USP43: variants seen among roughly 807,000 people sequenced by gnomAD.
The protein encoded by USP43 is ubiquitin carboxyl-terminal hydrolase 43.
In USP43, 33 loss-of-function variants were observed where a neutral mutation model predicts 90.7. The observed-to-expected ratio is 0.36, with a 90% confidence interval of 0.28 to 0.49. USP43 has a LOEUF of 0.49. Ranked by LOEUF, USP43 falls within the 20% of genes least tolerant of loss-of-function variation. The pLI is 0.98. For missense variants in USP43, 1,274 were observed against 1,476.4 expected (o/e 0.86, Z 2.25); for synonymous variants, 598 against 615.8 (o/e 0.97, Z 0.43).
intron 1 of USP43, among the ~76,000 whole-genome samples, chr17:9,648,956 T>TCTCC (rs1241943894): frequency 7.4e-5 from 11 of 148,724 alleles, no homozygotes; most frequent in Non-Finnish European, 1.1e-4. Context: ...TCTCTCTCTC[T>TCTCC]CTCCCTCCCT....
rs571319363 is a variant in USP43, at chr17:9,656,405, T to C, written c.507T>C (p.Asn169=). ...YTPQLSAEFK[N]AVSKYGSQFQ... is the part of the protein sequence containing the mutation. Reference sequence around the variant, plus strand: ...TCGATTTCCTTTTTTCCTTTCAGAATGCAGTTTCCAAGTACGGCTCTCAGT... The same window carrying C: ...TCGATTTCCTTTTTTCCTTTCAGAACGCAGTTTCCAAGTACGGCTCTCAGT... The change falls in exon 2 of 15, where the codon AAT becomes AAC. Residue 169 remains asparagine (N), a splice_region_variant and synonymous_variant. Coordinates refer to ENST00000285199, the MANE Select transcript of USP43 (RefSeq NM_153210.5). The C allele has an allele frequency of 1.1e-5, 17 of 1,610,814 alleles. 1 individual carries two copies. In the South Asian group the frequency reaches 1.7e-4, roughly 16 times the overall value.
intron 1 of USP43, among the ~76,000 whole-genome samples, chr17:9,653,077 T>C (rs1162046145): frequency 1.3e-5 from 2 of 152,230 alleles, no homozygotes; most frequent in African/African-American, 4.8e-5. Context: ...TCTGGTTGTA[T>C]CTCTCATTTC....
In USP43 at chr17:9,714,682, C is replaced by CAAAAA. The variant is rs34258688; in HGVS notation, c.2335+2565_2335+2569dup. 2.5e-3 allele frequency among the ~76,000 whole-genome samples: 174 copies of CAAAAA among 69,986 alleles called. 3 individuals are homozygous for CAAAAA. Among genetic ancestry groups the CAAAAA allele is most frequent in the African/African-American group, 9.0e-3 (164 of 18,122 alleles). 45.9% of individuals were successfully genotyped at this position (69,986 alleles called of 152,430 possible). A position where few individuals can be genotyped will look rare whatever the true frequency, so the allele number is the denominator to read the frequency against. The stretch of plus-strand genomic sequence containing the variant: ...TGGGCAACAGAGCAAGACTCCATCT[C>CAAAAA]AAAAAAAAAAAAAAAAAAATGAAGA... On this transcript the variant is annotated intron_variant, in intron 14 of 14. Coordinates refer to ENST00000285199, the MANE Select transcript of USP43 (RefSeq NM_153210.5).
chr17:9,679,300 C>A (rs746702332), intron 5 of USP43, among the ~76,000 whole-genome samples: 5 of 151,810 alleles, frequency 3.3e-5, no homozygotes, highest in Non-Finnish European at 7.4e-5. Context: ...CTCCTGGGCT[C>A]AAGGGATCCT....
In USP43 at chr17:9,671,288, G is replaced by C. The variant is rs576654601; in HGVS notation, c.741-3603G>C. Reference sequence around the variant, plus strand: ...TTTGGCTGGAGGAGGGAGTGTGTGTGTGTGTGTGTGTGCACAAATTCTTCA... The same window carrying C: ...TTTGGCTGGAGGAGGGAGTGTGTGTCTGTGTGTGTGTGCACAAATTCTTCA... On this transcript the variant is annotated intron_variant, in intron 3 of 14. Coordinates refer to ENST00000285199, the MANE Select transcript of USP43 (RefSeq NM_153210.5). Among the ~76,000 whole-genome samples the C allele has an allele frequency of 2.2e-3, 334 of 152,170 alleles. 1 individual carries two copies. The highest frequency in any genetic ancestry group is 7.8e-3 in the African/African-American group (325 of 41,440).
chr17:9,647,867 A>T (rs965835039), intron 1 of USP43, among the ~76,000 whole-genome samples: 1 of 151,258 alleles, frequency 6.6e-6, no homozygotes, highest in African/African-American at 2.4e-5. Flanking sequence ...AAAAAAAAAA[A>T]AAAATTAGCC....
At position 9,701,251 on chromosome 17, in the gene USP43, G is replaced by C; in HGVS notation, c.1662+6G>C. The C allele has an allele frequency of 6.2e-7, 1 of 1,606,398 alleles. No individual in the cohort carries two copies. Among genetic ancestry groups the C allele is most frequent in the Non-Finnish European group, 8.5e-7 (1 of 1,176,064 alleles). On this transcript the variant is annotated splice_donor_region_variant and intron_variant, in intron 11 of 14. Transcript: ENST00000285199. The surrounding 1 kb of genome is among the most constrained non-coding windows in gnomAD (Gnocchi z 7.2). ...TCTACACCAAGGAGGAGCAGGTCCC[G>C]CCCTGGGGGTCCATGCCCCGGCCGG...
intron 8 of USP43, 149 bp from the exon 9 acceptor site, chr17:9,692,978 T>C (rs1459974960): frequency 1.4e-6 from 1 of 691,082 alleles, no homozygotes; most frequent in Non-Finnish European, 2.4e-6. Flanking sequence ...TTTTTGTCTC[T>C]TAATTTTGAA....
At chr17:9,651,407 G>T (rs1237198967) in intron 1 of USP43, among the ~76,000 whole-genome samples, 1 of 152,102 alleles carries the variant, frequency 6.6e-6, no homozygotes, top group East Asian at 1.9e-4. Flanking sequence ...GGCCAGGCTT[G>T]TCTTGAACTC....
At chr17:9,690,013 C>T (rs144023920) in intron 8 of USP43, among the ~76,000 whole-genome samples, 52 of 152,232 alleles carry the variant, frequency 3.4e-4, no homozygotes, top group Middle Eastern at 3.4e-3. Flanking sequence ...CGAACTGGAA[C>T]GTGGTTAGAG....
rs751791413 is a variant in USP43 at position 9,645,876 on chromosome 17, G to A, written c.244G>A (p.Gly82Arg). 46 of 1,430,352 alleles carry A rather than the reference G, an allele frequency of 3.2e-5. 1 individual carries two copies. In the South Asian group the frequency reaches 6.3e-4, roughly 19 times the overall value. 88.6% of individuals were successfully genotyped at this position (1,430,352 alleles called of 1,614,324 possible). ...GAGCCCCGGGGAGGAACGCCCGCCC[G>A]GACCCCAGCCCCAGCTCCAGCTCCC... The part of the protein sequence containing the change: ...PGSPGEERPP[G>R]PQPQLQLPAG... Residue 82 changes from glycine (G) to arginine (R), a missense_variant, in exon 1 of 15, where the codon GGA becomes AGA. Gly to Arg is a moderately radical substitution (Grantham distance 125). This residue lies in a region of USP43 where 259 missense variants were observed against 373.7 expected (regional missense o/e 0.69). Transcript: ENST00000285199. The surrounding 1 kb of genome is among the most constrained non-coding windows in gnomAD (Gnocchi z 6.8).
chr17:9,652,288 T>C (rs1911924616), intron 1 of USP43, among the ~76,000 whole-genome samples: 1 of 149,810 alleles, frequency 6.7e-6, no homozygotes, highest in South Asian at 2.1e-4. Context: ...TACAGTTAAT[T>C]CTTCCCAAGC....
intron 14 of USP43, among the ~76,000 whole-genome samples, chr17:9,727,098 G>C (rs1168877998): frequency 6.6e-6 from 1 of 151,940 alleles, no homozygotes; most frequent in Non-Finnish European, 1.5e-5. Flanking sequence ...TCAGCCTCCT[G>C]AGTAGCTGGG....
chr17:9,656,914 G>A (rs1912293751), intron 2 of USP43, among the ~76,000 whole-genome samples: 1 of 152,142 alleles, frequency 6.6e-6, no homozygotes, highest in African/African-American at 2.4e-5. Flanking sequence ...TCTCAGTTAT[G>A]TATTCTACAG....
intron 1 of USP43, among the ~76,000 whole-genome samples, chr17:9,650,262 A>G (rs1911762583): frequency 6.6e-6 from 1 of 152,160 alleles, no homozygotes; most frequent in African/African-American, 2.4e-5. Context: ...TTATCTTTCT[A>G]TTTTTACTTT....
chr17:9,656,270 C>T (rs371953156), intron 1 of USP43, 133 bp from the exon 2 acceptor site: 1 of 1,209,360 alleles, frequency 8.3e-7, no homozygotes, highest in Non-Finnish European at 1.1e-6. Flanking sequence ...ACATTTCTAC[C>T]CCGGCTGTTT....
At position 9,709,151 on chromosome 17, in the gene USP43, G is replaced by A. The variant is rs1916047301; in HGVS notation, c.2012-805G>A. The stretch of plus-strand genomic sequence containing the variant: ...GCTGACACGTAGAGGGCAAGGAAAC[G>A]GATATTTTGTTGTCGTTACTTGAGA... On this transcript the variant is annotated intron_variant, in intron 12 of 14. Transcript: ENST00000285199. The surrounding 1 kb of genome is among the most constrained non-coding windows in gnomAD (Gnocchi z 5.0). 6.6e-6 allele frequency among the ~76,000 whole-genome samples: 1 copy of A among 152,142 alleles called. No homozygotes were observed. Among genetic ancestry groups the A allele is most frequent in the Non-Finnish European group, 1.5e-5 (1 of 68,034 alleles).
rs1438057216 is a variant in USP43, at chr17:9,728,530, A to C, written c.2912A>C (p.Tyr971Ser). The part of the protein sequence containing the change: ...MGSKSSPPSP[Y>S]MGFSGNSKDS... ...AGCAAAAGCAGCCCACCCTCCCCCT[A>C]TATGGGATTCTCTGGAAACAGCAAA... The change falls in exon 15 of 15, where the codon TAT becomes TCT. Residue 971 changes from tyrosine (Y) to serine (S), a missense_variant. Physicochemically the swap from Tyr to Ser is moderately radical, Grantham distance 144 (BLOSUM62 -2). This residue lies in a region of USP43 where 353 missense variants were observed against 329.7 expected (regional missense o/e 1.07). Transcript: ENST00000285199. This position sits in a 1 kb window ranked among gnomAD's most constrained non-coding sequence, Gnocchi z 6.2. The C allele has an allele frequency of 4.3e-6, 7 of 1,613,836 alleles. No homozygotes were observed. The East Asian group carries it at 1.3e-4, about 31-fold the overall frequency.
intron 2 of USP43, among the ~76,000 whole-genome samples, chr17:9,658,326 C>T (rs1912405363): frequency 6.6e-6 from 1 of 151,802 alleles, no homozygotes; most frequent in Non-Finnish European, 1.5e-5. Flanking sequence ...CCAACTGTTA[C>T]CTTTCTATTT....
Sources: allele counts gnomAD v4.1 joint callset (sites outside exome capture counted in the v4.1 genomes callset), GRCh38; gene constraint gnomAD v4.1.1; regional missense constraint gnomAD v4.1.1; non-coding constraint Gnocchi (gnomAD v3.1); transcripts MANE v1.5; gene names NCBI Gene and HGNC (gene_info 2026-07-23, HGNC 2026-07-21).